STAU1: variants seen among roughly 807,000 people sequenced by gnomAD.
The protein encoded by STAU1 is double-stranded RNA-binding protein Staufen homolog 1.
In STAU1, 13 loss-of-function variants were observed where a neutral mutation model predicts 62.9. The observed-to-expected ratio is 0.21, with a 90% CI of 0.13 to 0.33. The LOEUF is 0.33. STAU1 is among the 10% of genes least tolerant of loss of function. STAU1 has a pLI of 1.00. For synonymous variants in STAU1, 269 were observed against 265.1 expected, an observed-to-expected ratio of 1.01 and a Z score of -0.14; for missense variants, 571 against 712.1, an observed-to-expected ratio of 0.80 and a Z score of 2.25.
At position 49,182,697 on chromosome 20, in the gene STAU1, G is replaced by C. The variant is rs183984297; in HGVS notation, c.-160+5419C>G. Among the ~76,000 whole-genome samples the C allele has an allele frequency of 9.9e-5, 15 of 152,252 alleles. No homozygotes were observed. In the East Asian group the frequency reaches 2.9e-3, roughly 29 times the overall value. On this transcript the variant is annotated intron_variant, in intron 1 of 13. Transcript: ENST00000371856. ...ACTAAAAACACAAAAAAATTAGCCAGGCATGGTGGCGGGCACCTGTAGTCC... is the reference window on the plus strand; with the variant it reads ...ACTAAAAACACAAAAAAATTAGCCACGCATGGTGGCGGGCACCTGTAGTCC...
At chr20:49,143,098 G>A (rs1159002318) in intron 5 of STAU1, among the ~76,000 whole-genome samples, 5 of 152,108 alleles carry the variant, frequency 3.3e-5, no homozygotes, top group Non-Finnish European at 7.4e-5. Flanking sequence ...ACCGTGCCTG[G>A]CTCATTAAAA....
chr20:49,136,103 C>T (rs1190438230), intron 5 of STAU1, among the ~76,000 whole-genome samples, 172 bp from the exon 6 acceptor site: 1 of 150,800 alleles, frequency 6.6e-6, no homozygotes, highest in African/African-American at 2.5e-5. Context: ...GCCTGAGCAA[C>T]CTTGTCTCTA....
the STAU1 span, among the ~76,000 whole-genome samples, chr20:49,217,765 T>G: frequency 6.8e-6 from 1 of 147,634 alleles, no homozygotes; most frequent in Non-Finnish European, 1.5e-5. Context: ...GAGAGTCGCT[T>G]GAACCCAGGA....
upstream of STAU1, among the ~76,000 whole-genome samples, chr20:49,191,215 C>T (rs1292194620): frequency 2.0e-5 from 3 of 151,860 alleles, no homozygotes; most frequent in East Asian, 1.9e-4. Context: ...TTAGTACAGA[C>T]GGGGTTTCGC....
At chr20:49,202,262 C>CAGAAAG in the STAU1 span, among the ~76,000 whole-genome samples, 1 of 109,042 alleles carries the variant, frequency 9.2e-6, no homozygotes, top group African/African-American at 3.7e-5. Context: ...AAGAAAGAAT[C>CAGAAAG]AACTAGAATA....
At chr20:49,207,466 G>A in the STAU1 span, among the ~76,000 whole-genome samples, 1 of 152,160 alleles carries the variant, frequency 6.6e-6, no homozygotes, top group Non-Finnish European at 1.5e-5. Flanking sequence ...GCAGGCTGAA[G>A]TGGAAGAAGG....
chr20:49,214,334 A>G, the STAU1 span, among the ~76,000 whole-genome samples: 2,325 of 152,306 alleles, frequency 0.015, 60 homozygotes, highest in South Asian at 0.071. Flanking sequence ...CCTAGCCAAC[A>G]AGGTGAAAAC....
At chr20:49,194,429 C>CAAAAAAAAAAA in the STAU1 span, among the ~76,000 whole-genome samples, 8 of 81,084 alleles carry the variant, frequency 9.9e-5, no homozygotes, top group Admixed American at 1.4e-4. Flanking sequence ...AACTCCGTCT[C>CAAAAAAAAAAA]AAAAAAAAAA....
chr20:49,116,409 A>G (rs2092326046), intron 12 of STAU1, among the ~76,000 whole-genome samples: 1 of 152,200 alleles, frequency 6.6e-6, no homozygotes. Context: ...ATCTTGGCTC[A>G]CTGCAACCTC....
intron 1 of STAU1, among the ~76,000 whole-genome samples, chr20:49,185,048 T>A (rs998243559): frequency 1.3e-5 from 2 of 152,240 alleles, no homozygotes; most frequent in Admixed American, 6.5e-5. Flanking sequence ...GATTTCATAC[T>A]ATTCACAAAA....
the STAU1 span, among the ~76,000 whole-genome samples, chr20:49,216,129 C>T: frequency 6.6e-6 from 1 of 151,252 alleles, no homozygotes; most frequent in African/African-American, 2.4e-5. Flanking sequence ...GTGGCCCACA[C>T]CTATAGTTCC....
At chr20:49,195,925 G>GAA in the STAU1 span, among the ~76,000 whole-genome samples, 1,085 of 93,728 alleles carry the variant, frequency 0.012, 24 homozygotes, top group African/African-American at 0.034. Context: ...AAAGAAAAAA[G>GAA]AAAAAAAAAA....
At chr20:49,181,326 C>G (rs959663886) in intron 1 of STAU1, among the ~76,000 whole-genome samples, 1 of 152,150 alleles carries the variant, frequency 6.6e-6, no homozygotes, top group African/African-American at 2.4e-5. Flanking sequence ...TATTATCCAG[C>G]AAATTCACTA....
At chr20:49,133,780 G>A (rs1194439319) in intron 6 of STAU1, among the ~76,000 whole-genome samples, 1 of 152,154 alleles carries the variant, frequency 6.6e-6, no homozygotes, top group Non-Finnish European at 1.5e-5. Context: ...TCAGAGGAAT[G>A]GAGAGGAACA....
intron 1 of STAU1, among the ~76,000 whole-genome samples, chr20:49,176,488 C>A (rs2093661861): frequency 6.6e-6 from 1 of 152,160 alleles, no homozygotes; most frequent in African/African-American, 2.4e-5. Flanking sequence ...TACATTCTTA[C>A]AACACTAAGT....
intron 1 of STAU1, among the ~76,000 whole-genome samples, chr20:49,180,397 C>A (rs2093710477): frequency 1.3e-5 from 2 of 150,940 alleles, no homozygotes; most frequent in Non-Finnish European, 2.9e-5. Context: ...GATGTCAGGT[C>A]ACTGCAAACT....
At chr20:49,163,948 G>A (rs990725589) in intron 3 of STAU1, among the ~76,000 whole-genome samples, 10 of 151,756 alleles carry the variant, frequency 6.6e-5, no homozygotes, top group Admixed American at 1.3e-4. Context: ...AATTGGCCTC[G>A]CAGCCTGGCA....
the STAU1 span, among the ~76,000 whole-genome samples, chr20:49,216,007 C>CAAAAAAAAAAAAA: frequency 2.5e-4 from 9 of 36,456 alleles, no homozygotes; most frequent in Admixed American, 9.5e-4. Flanking sequence ...GACTATGTCT[C>CAAAAAAAAAAAAA]AAAAAAAAAA....
intron 1 of STAU1, among the ~76,000 whole-genome samples, chr20:49,180,489 A>C (rs578140932): frequency 5.6e-4 from 85 of 152,180 alleles, no homozygotes; most frequent in Middle Eastern, 3.4e-3. Context: ...ACACCCAGCT[A>C]ATTTTTGTAT....
Sources: gnomAD v4.1 joint callset for allele counts (sites outside exome capture counted in the v4.1 genomes callset) on GRCh38, gnomAD v4.1.1 for gene constraint, MANE v1.5 for transcripts, NCBI Gene and HGNC (gene_info 2026-07-23, HGNC 2026-07-21) for gene names.